Variants in BFSP1 observed in about 807,000 individuals in gnomAD.
BFSP1 encodes beaded filament structural protein 1, also known as filensin.
Under a neutral mutation model 43.9 loss-of-function variants are expected in BFSP1, and 38 were observed. The ratio of observed to expected loss-of-function variants is 0.87; its 90% CI spans 0.67 to 1.14. The LOEUF (loss-of-function observed/expected upper bound fraction) is 1.14. Among genes scored for constraint, BFSP1 ranks in the 50% most tolerant of loss-of-function variants. The probability of loss-of-function intolerance (pLI) is 0.00; values close to 1 mark genes in which losing one functional copy is unlikely to be tolerated. For synonymous variants in BFSP1, 352 were observed against 354.8 expected (o/e 0.99, Z 0.09); for missense variants, 850 against 875.1 (o/e 0.97, Z 0.36).
chr20:17,531,859 C>T (rs577676619), upstream of BFSP1, among the ~76,000 whole-genome samples: 38 of 150,278 alleles, frequency 2.5e-4, no homozygotes, highest in African/African-American at 7.8e-4. Context: ...TCCAATTGCT[C>T]GGTTATGCAT....
intron 1 of BFSP1, among the ~76,000 whole-genome samples, chr20:17,568,149 G>A: frequency 6.6e-6 from 1 of 152,118 alleles, no homozygotes; most frequent in Non-Finnish European, 1.5e-5. Flanking sequence ...GAAGATATGG[G>A]AGATAGGGCA....
chr20:17,495,414 T>C (rs2033608162), intron 7 of BFSP1, among the ~76,000 whole-genome samples: 1 of 152,202 alleles, frequency 6.6e-6, no homozygotes, highest in Non-Finnish European at 1.5e-5. Flanking sequence ...CAGCAGACAC[T>C]TGGATCCACA....
chr20:17,535,119 C>T (rs969837296), upstream of BFSP1, among the ~76,000 whole-genome samples: 4 of 152,052 alleles, frequency 2.6e-5, no homozygotes, highest in Non-Finnish European at 5.9e-5. Flanking sequence ...GGTTCATTAA[C>T]AAAATTAGAA....
chr20:17,533,094 T>G (rs2034574346), upstream of BFSP1, among the ~76,000 whole-genome samples: 1 of 152,166 alleles, frequency 6.6e-6, no homozygotes, highest in South Asian at 2.1e-4. Flanking sequence ...ACCACACCTC[T>G]AATCCAGAAC....
chr20:17,552,683 G>A (rs577729451), intron 1 of BFSP1, among the ~76,000 whole-genome samples: 13 of 152,108 alleles, frequency 8.5e-5, no homozygotes, highest in South Asian at 2.1e-4. Context: ...ATATTTTGAG[G>A]GTAGAACCAA....
In BFSP1 at chr20:17,497,459, T is replaced by TACACACACACAC. The variant is rs34512937; in HGVS notation, c.957-448_957-437dup. 1.3e-3 allele frequency among the ~76,000 whole-genome samples: 183 copies of TACACACACACAC among 144,950 alleles called. 1 individual carries two copies. The highest frequency in any genetic ancestry group is 4.3e-3 in the African/African-American group (168 of 38,956). On this transcript the variant is annotated intron_variant, in intron 6 of 7. Transcript: ENST00000377873. ...ATATATACGTGTATGTATATATATA[T>TACACACACACAC]ACACACACACACGTATATATACGTG...
In BFSP1 at chr20:17,525,906, A is replaced by G. The variant is rs2034408867; in HGVS notation, c.378-998T>C. Among the ~76,000 whole-genome samples, 1 of 152,032 alleles carries G rather than the reference A, an allele frequency of 6.6e-6. No individual in the cohort carries two copies. The highest frequency in any genetic ancestry group is 1.5e-5 in the Non-Finnish European group (1 of 68,020). Reference sequence around the variant, plus strand: ...TGGCAGCTTCCAGATACCTTTAGTTAAGTAATGGTGTATGTGTGCCCTTTG... The same window carrying G: ...TGGCAGCTTCCAGATACCTTTAGTTGAGTAATGGTGTATGTGTGCCCTTTG... On this transcript the variant is annotated intron_variant, in intron 1 of 7. Coordinates refer to ENST00000377873, the MANE Select transcript of BFSP1 (RefSeq NM_001195.5). The surrounding 1 kb of genome is among the most constrained non-coding windows in gnomAD (Gnocchi z 4.2).
At chr20:17,562,328 C>T (rs2035074430), upstream of BFSP1, among the ~76,000 whole-genome samples, 1 of 150,852 alleles carries the variant, frequency 6.6e-6, no homozygotes, top group South Asian at 2.1e-4. Context: ...GTTTTGAGAC[C>T]AGCCTGGCCA....
At chr20:17,527,682 C>A (rs995574671) in intron 1 of BFSP1, among the ~76,000 whole-genome samples, 2 of 151,972 alleles carry the variant, frequency 1.3e-5, no homozygotes, top group Non-Finnish European at 2.9e-5. Context: ...GAGCCGAGAT[C>A]ACGCCACTGC....
At chr20:17,531,391 A>T (rs1010510957), upstream of BFSP1, 1 of 1,272,800 alleles carries the variant, frequency 7.9e-7, no homozygotes, top group Non-Finnish European at 9.9e-7. Context: ...CCCCCGGCGC[A>T]GCCCGCAGCC....
chr20:17,547,524 C>T (rs890300394), intron 1 of BFSP1, among the ~76,000 whole-genome samples: 7 of 152,136 alleles, frequency 4.6e-5, no homozygotes, highest in African/African-American at 1.7e-4. Context: ...ATCTGTACCC[C>T]TGTTGAATAT....
At chr20:17,509,993 G>A (rs1407836775) in intron 4 of BFSP1, among the ~76,000 whole-genome samples, 1 of 152,242 alleles carries the variant, frequency 6.6e-6, no homozygotes, top group Non-Finnish European at 1.5e-5. Context: ...GAGGCTGCAT[G>A]GAAGACAGCC....
At chr20:17,495,229 C>T (rs143931641) in intron 7 of BFSP1, among the ~76,000 whole-genome samples, 200 bp from the exon 8 acceptor site, 53 of 152,316 alleles carry the variant, frequency 3.5e-4, no homozygotes, top group African/African-American at 1.1e-3. Flanking sequence ...TCCAGCTGGG[C>T]GACTCTGGAC....
intron 4 of BFSP1, 120 bp from the exon 5 acceptor site, chr20:17,509,116 C>G (rs138479311): frequency 3.0e-6 from 2 of 656,950 alleles, no homozygotes; most frequent in East Asian, 6.6e-5. Flanking sequence ...TGTTGAAGCC[C>G]TAACTAACTC....
intron 5 of BFSP1, among the ~76,000 whole-genome samples, chr20:17,504,567 G>C (rs1031293490): frequency 3.9e-5 from 6 of 152,178 alleles, no homozygotes; most frequent in Admixed American, 3.9e-4. Flanking sequence ...GGCAGGACCG[G>C]TCCTGGGAAC....
intron 5 of BFSP1, among the ~76,000 whole-genome samples, chr20:17,500,897 A>AAAACAAAAC (rs1447998203): frequency 6.6e-6 from 1 of 152,206 alleles, no homozygotes; most frequent in Non-Finnish European, 1.5e-5. Flanking sequence ...CCTCAAAAAC[A>AAAACAAAAC]AAACAAAACA....
At chr20:17,513,830 C>T (rs989265593) in intron 3 of BFSP1, among the ~76,000 whole-genome samples, 1 of 152,236 alleles carries the variant, frequency 6.6e-6, no homozygotes, top group African/African-American at 2.4e-5. Context: ...TGGATCACCA[C>T]TGTGGGCACC....
chr20:17,551,444 C>T (rs1203747723), intron 1 of BFSP1, among the ~76,000 whole-genome samples: 1 of 152,216 alleles, frequency 6.6e-6, no homozygotes, highest in African/African-American at 2.4e-5. Flanking sequence ...ATCCAATCAC[C>T]TCCCACCAGG....
rs1393600372 is a variant in BFSP1, at chr20:17,494,468, T to C, written c.1604A>G (p.Gln535Arg). The change falls in exon 8 of 8, where the codon CAA (glutamine) becomes CGA (arginine). Residue 535 changes from glutamine (Q) to arginine (R), a missense_variant. Physicochemically the swap from Gln to Arg is conservative, Grantham distance 43. Transcript: ENST00000377873. ...QVGLQEKEDG[Q>R]PIDQQPIDKE... ...GTCTATAGGCTGCTGGTCAATTGGT[T>C]GTCCATCTTCTTTCTCCTGCAGACC... The C allele has an allele frequency of 6.2e-7, 1 of 1,614,212 alleles. No homozygotes were observed. Among genetic ancestry groups the C allele is most frequent in the Non-Finnish European group, 8.5e-7 (1 of 1,180,034 alleles).
Sources: allele counts gnomAD v4.1 joint callset (sites outside exome capture counted in the v4.1 genomes callset), GRCh38; gene constraint gnomAD v4.1.1; non-coding constraint Gnocchi (gnomAD v3.1); transcripts MANE v1.5; gene names NCBI Gene and HGNC (gene_info 2026-07-23, HGNC 2026-07-21).